The following SLC28A2 variants were observed in gnomAD, a reference collection of about 807,000 sequenced individuals.
The protein encoded by SLC28A2 is sodium/nucleoside cotransporter 2.
A neutral mutation model predicts 72.9 loss-of-function variants in SLC28A2; 69 were observed. That is an observed-to-expected ratio of 0.95 (90% CI 0.78 to 1.16). SLC28A2 has a LOEUF of 1.16. Ranked by LOEUF, SLC28A2 falls within the 50% of genes most tolerant of loss-of-function variation. The pLI is 0.00. For synonymous variants in SLC28A2, 296 were observed against 294.1 expected (o/e 1.01, Z -0.07); for missense variants, 745 against 791.1 (o/e 0.94, Z 0.70).
intron 4 of SLC28A2, 84 bp downstream of exon 4, chr15:45,262,190 G>C (rs1012113410): frequency 1.1e-6 from 1 of 926,048 alleles, no homozygotes; most frequent in Non-Finnish European, 1.8e-6. Flanking sequence ...CAGGTGGAAG[G>C]CATTTTTATT....
rs1237888678 is a variant in SLC28A2 at position 45,253,285 on chromosome 15, C to G, written c.70C>G (p.Leu24Val). ...GGAGACTGGCACAGTGAACCCGGGG[C>G]TGGAGCTCATGGTAATCACCAGTTT... ...TVETGTVNPG[L>V]ELMEKEVEPE... is the part of the protein sequence containing the mutation. Residue 24 changes from leucine (L) to valine (V), a missense_variant, in exon 2 of 18, where the codon CTG becomes GTG. Physicochemically the swap from Leu to Val is conservative, Grantham distance 32 (BLOSUM62 1). Transcript: ENST00000347644. 6.2e-7 allele frequency: 1 copy of G among 1,612,370 alleles called. No homozygotes were observed. Among genetic ancestry groups the G allele is most frequent in the Admixed American group, 1.7e-5 (1 of 60,002 alleles).
chr15:45,261,628 G>T (rs1465813603), intron 3 of SLC28A2, among the ~76,000 whole-genome samples: 1 of 152,126 alleles, frequency 6.6e-6, no homozygotes, highest in African/African-American at 2.4e-5. Flanking sequence ...GGTTTGTTTG[G>T]TTTTTAGGGA....
At chr15:45,272,818 C>A (rs924601946) in intron 17 of SLC28A2, 34 bp downstream of exon 17, 1 of 1,142,962 alleles carries the variant, frequency 8.7e-7, no homozygotes, top group Non-Finnish European at 1.3e-6. Flanking sequence ...TTCTCTCACA[C>A]ACGGCCCTCA....
At chr15:45,267,942 C>A in intron 12 of SLC28A2, 146 bp downstream of exon 12, 2 of 1,102,592 alleles carry the variant, frequency 1.8e-6, no homozygotes, top group Non-Finnish European at 2.7e-6. Context: ...GCTAATCATG[C>A]TGGTTTTCTT....
At chr15:45,253,552 G>A (rs1044244772) in intron 3 of SLC28A2, 32 bp downstream of exon 3, 1 of 1,509,196 alleles carries the variant, frequency 6.6e-7, no homozygotes, top group Admixed American at 1.7e-5. Flanking sequence ...GTTCAGTTAG[G>A]AAAGGATCTA....
chr15:45,254,468 A>G (rs952900487), intron 3 of SLC28A2, among the ~76,000 whole-genome samples: 24 of 152,232 alleles, frequency 1.6e-4, no homozygotes, highest in African/African-American at 5.3e-4. Flanking sequence ...AGTTGCCTAC[A>G]GTATTAAGTA....
intron 3 of SLC28A2, 133 bp downstream of exon 3, chr15:45,253,653 A>G (rs1595668969): frequency 1.7e-6 from 1 of 573,950 alleles, no homozygotes; most frequent in East Asian, 2.9e-5. Flanking sequence ...TACATAATTA[A>G]TTAACTTAAA....
rs932201729 is a variant in SLC28A2, at chr15:45,262,041, C to T, written c.197C>T (p.Ala66Val). ...AGGAGTCGGTGGCCTTTCAGCAAAG[C>T]AAGAAGTTTCTGCAAAACACACGCC... ...QRRSRWPFSKARSFCKTHASL... is the reference protein window; with the variant it reads ...QRRSRWPFSKVRSFCKTHASL... The change falls in exon 4 of 18, where the codon GCA becomes GTA. Residue 66 changes from alanine (A) to valine (V), a missense_variant. Transcript: ENST00000347644. The T allele has an allele frequency of 3.7e-6, 6 of 1,613,396 alleles. No individual in the cohort carries two copies. The African/African-American group carries it at 6.7e-5, about 18-fold the overall frequency.
At chr15:45,260,245 G>A (rs566624529) in intron 3 of SLC28A2, among the ~76,000 whole-genome samples, 1 of 152,256 alleles carries the variant, frequency 6.6e-6, no homozygotes, top group Non-Finnish European at 1.5e-5. Flanking sequence ...CATACACTCT[G>A]ATCATCTGTG....
chr15:45,265,606 TG>T lies in SLC28A2; in HGVS notation c.806del (p.Gly269AspfsTer16). 6.2e-7 allele frequency: 1 copy of T among 1,613,476 alleles called. No individual in the cohort carries two copies. The highest frequency in any genetic ancestry group is 8.5e-7 in the Non-Finnish European group (1 of 1,179,396). ...AGGCCTTACCAATCATCATTTTCTT[TG>T]GATGTGTGGTGTCCATTCTCTACTA... ...FQALPIIIFFGCVVSILYYLG... is the reference protein window; with the variant it reads ...FQALPIIIFFXCVVSILYYLG... On this transcript the variant is annotated frameshift_variant, in exon 9 of 18. Coordinates refer to ENST00000347644, the MANE Select transcript of SLC28A2 (RefSeq NM_004212.4). LOFTEE classifies it high-confidence loss of function.
intron 3 of SLC28A2, among the ~76,000 whole-genome samples, chr15:45,258,187 C>T (rs528360931): frequency 2.6e-5 from 4 of 152,226 alleles, no homozygotes; most frequent in African/African-American, 4.8e-5. Context: ...CATGTCATTG[C>T]ACTCCAGCCT....
At chr15:45,261,531 G>T (rs1381718604) in intron 3 of SLC28A2, among the ~76,000 whole-genome samples, 3 of 152,120 alleles carry the variant, frequency 2.0e-5, no homozygotes, top group Admixed American at 6.5e-5. Flanking sequence ...CTTCTCTCAG[G>T]CCTGCACATC....
intron 8 of SLC28A2, 91 bp from the exon 9 acceptor site, chr15:45,265,492 T>C: frequency 1.1e-6 from 1 of 877,514 alleles, no homozygotes; most frequent in Non-Finnish European, 2.0e-6. Flanking sequence ...CTGTATGAGA[T>C]ACCCTTGGAA....
Position 45,267,696 on chromosome 15 carries a change from G to A in SLC28A2, c.1099G>A (p.Val367Met). 6.2e-7 allele frequency: 1 copy of A among 1,614,120 alleles called. No individual in the cohort carries two copies. Among genetic ancestry groups the A allele is most frequent in the Non-Finnish European group, 8.5e-7 (1 of 1,180,014 alleles). ...VDASSLISAS[V>M]MAAPCALASS... ...TGCATCATCCCTGATTTCTGCCTCT[G>A]TGATGGCCGCCCCTTGTGCTCTCGC... is the stretch of plus-strand genomic sequence containing the variant. The change falls in exon 12 of 18, where the codon GTG becomes ATG. Residue 367 changes from valine (V) to methionine (M), a missense_variant. Coordinates refer to ENST00000347644, the MANE Select transcript of SLC28A2 (RefSeq NM_004212.4).
rs554852204 is a variant in SLC28A2 at position 45,276,435 on chromosome 15, C to G, written c.*922C>G. On this transcript the variant is annotated 3_prime_UTR_variant, in exon 18 of 18. Transcript: ENST00000347644. ...GCATGGCACATGTATACATATGTAA[C>G]TAACCTGCATATTGTGCACATGTAC... 11 of 151,836 alleles carry G rather than the reference C, an allele frequency of 7.2e-5. No individual in the cohort carries two copies. Among genetic ancestry groups the G allele is most frequent in the Admixed American group, 2.0e-4 (3 of 15,258 alleles). The allele number at this position is 151,836 out of a possible 1,614,324, so 9.4% of individuals were successfully genotyped here.
rs1474339152 is a variant in SLC28A2, at chr15:45,276,553, TAAATA to T, written c.*1044_*1048del. 2.0e-5 allele frequency: 3 copies of T among 151,644 alleles called. No homozygotes were observed. Among genetic ancestry groups the T allele is most frequent in the Admixed American group, 6.6e-5 (1 of 15,248 alleles). 9.4% of individuals were successfully genotyped at this position (151,644 alleles called of 1,614,324 possible). A position where few individuals can be genotyped will look rare whatever the true frequency, so the allele number is the denominator to read the frequency against. ...CAAAAAATAAAATAAATAAAATAAA[TAAATA>T]AAAGAAAAAATAAGTATTACTATGT... On this transcript the variant is annotated 3_prime_UTR_variant, in exon 18 of 18. Coordinates refer to ENST00000347644, the MANE Select transcript of SLC28A2 (RefSeq NM_004212.4).
At chr15:45,258,308 G>A (rs1900037545) in intron 3 of SLC28A2, among the ~76,000 whole-genome samples, 1 of 151,754 alleles carries the variant, frequency 6.6e-6, no homozygotes, top group African/African-American at 2.4e-5. Flanking sequence ...GCATGCCATA[G>A]TTTAACTGGT....
Position 45,267,606 on chromosome 15 carries a change from C to T in SLC28A2, c.1068+26C>T. On this transcript the variant is annotated intron_variant, in intron 11 of 17. Transcript: ENST00000347644. ...GTAGGCATAGTCTGCTTGATCACTC[C>T]TGGGTGAACTCGAGTTGGGTTTGAT... is the stretch of plus-strand genomic sequence containing the variant. 1.9e-6 allele frequency: 3 copies of T among 1,614,046 alleles called. No homozygotes were observed. In the East Asian group the frequency reaches 6.7e-5, roughly 36 times the overall value.
rs1900324921 is a variant in SLC28A2, at chr15:45,266,080, G to T, written c.862-1G>T. The T allele has an allele frequency of 1.9e-6, 3 of 1,608,692 alleles. No individual in the cohort carries two copies. Among genetic ancestry groups the T allele is most frequent in the Non-Finnish European group, 2.6e-6 (3 of 1,175,262 alleles). On this transcript the variant is annotated splice_acceptor_variant, in intron 9 of 17. Transcript: ENST00000347644. LOFTEE classifies it high-confidence loss of function. Reference sequence around the variant, plus strand: ...TGGTTTAGGTTTCTGTATTCTTCTAGGTCGCCTGGTTTTTACAAATCACTA... The same window carrying T: ...TGGTTTAGGTTTCTGTATTCTTCTATGTCGCCTGGTTTTTACAAATCACTA...
Sources: gnomAD v4.1 joint callset for allele counts (sites outside exome capture counted in the v4.1 genomes callset) on GRCh38, gnomAD v4.1.1 for gene constraint, MANE v1.5 for transcripts, NCBI Gene and HGNC (gene_info 2026-07-23, HGNC 2026-07-21) for gene names.